The following ZNF672 variants were observed in gnomAD, a reference collection of about 807,000 sequenced individuals.
ZNF672 encodes zinc finger protein 672.
For synonymous variants in ZNF672, 358 were observed against 305.6 expected, an observed-to-expected ratio of 1.17 and a Z score of -1.79; for missense variants, 733 against 701.1, an observed-to-expected ratio of 1.05 and a Z score of -0.51.
intron 3 of ZNF672, among the ~76,000 whole-genome samples, chr1:248,845,902 AGTC>A (rs145334847): frequency 4.7e-4 from 72 of 151,604 alleles, no homozygotes; most frequent in African/African-American, 1.7e-3. Context: ...CCCTGAGAGA[AGTC>A]GTCAGTGCTG....
chr1:248,847,318 C>CG lies in ZNF672; in HGVS notation c.45dup (p.Cys16ValfsTer18). On this transcript the variant is annotated frameshift_variant, in exon 4 of 4. Coordinates refer to ENST00000306562, the MANE Select transcript of ZNF672 (RefSeq NM_024836.3). LOFTEE classifies it low-confidence loss of function (END_TRUNC). ...GCAGTGGCAGCGGGGAAGCCTTACT[C>CG]GTGCAGCGAATGTGGCAAGAGCTTC... is the stretch of plus-strand genomic sequence containing the variant. The CG allele has an allele frequency of 6.2e-7, 1 of 1,609,472 alleles. No individual in the cohort carries two copies. Among genetic ancestry groups the CG allele is most frequent in the Non-Finnish European group, 8.5e-7 (1 of 1,176,030 alleles).
In ZNF672 at chr1:248,849,468, G is replaced by A. The variant is rs1011892766; in HGVS notation, c.*835G>A. On this transcript the variant is annotated 3_prime_UTR_variant, in exon 4 of 4. Coordinates refer to ENST00000306562, the MANE Select transcript of ZNF672 (RefSeq NM_024836.3). ...GCAGGATGGAAAATCCCCTGGAGCCGGTCAACTTTTTGCTCATGGCTAGTG... is the reference window on the plus strand; with the variant it reads ...GCAGGATGGAAAATCCCCTGGAGCCAGTCAACTTTTTGCTCATGGCTAGTG... The A allele has an allele frequency of 7.5e-6, 2 of 266,420 alleles. No individual in the cohort carries two copies. The highest frequency in any genetic ancestry group is 1.6e-5 in the Non-Finnish European group (2 of 127,690). 16.5% of individuals were successfully genotyped at this position (266,420 alleles called of 1,614,324 possible). A position where few individuals can be genotyped will look rare whatever the true frequency, so the allele number is the denominator to read the frequency against.
chr1:248,848,354 C>A lies in ZNF672; in HGVS notation c.1080C>A (p.Asn360Lys). The change falls in exon 4 of 4, where the codon AAC (asparagine) becomes AAA (lysine). Residue 360 changes from asparagine to lysine, a missense_variant. Asn to Lys is a moderately conservative substitution (Grantham distance 94). Coordinates refer to ENST00000306562, the MANE Select transcript of ZNF672 (RefSeq NM_024836.3). Reference sequence around the variant, plus strand: ...CCAATCTCAACGTGCATCGGCGCAACCATGCCGGCCACAAGCCACACAAAT... The same window carrying A: ...CCAATCTCAACGTGCATCGGCGCAAACATGCCGGCCACAAGCCACACAAAT... ...CVSNLNVHRR[N>K]HAGHKPHKCP... The A allele has an allele frequency of 6.2e-7, 1 of 1,601,448 alleles. No homozygotes were observed. Among genetic ancestry groups the A allele is most frequent in the Non-Finnish European group, 8.5e-7 (1 of 1,179,750 alleles).
intron 1 of ZNF672, among the ~76,000 whole-genome samples, chr1:248,841,323 G>A (rs1020598378): frequency 2.6e-5 from 4 of 152,206 alleles, no homozygotes; most frequent in African/African-American, 7.2e-5. Flanking sequence ...AGACCTTATA[G>A]TCCTTTCTCT....
At position 248,848,329 on chromosome 1, in the gene ZNF672, C is replaced by T; in HGVS notation, c.1055C>T (p.Ser352Phe). 6.2e-7 allele frequency: 1 copy of T among 1,601,906 alleles called. No individual in the cohort carries two copies. The highest frequency in any genetic ancestry group is 8.5e-7 in the Non-Finnish European group (1 of 1,179,764). The change falls in exon 4 of 4, where the codon TCC becomes TTC. Residue 352 changes from serine (S) to phenylalanine (F), a missense_variant. By Grantham distance (155) the Ser-to-Phe change is radical (BLOSUM62 -2). Transcript: ENST00000306562. ...ELCGKRFTCV[S>F]NLNVHRRNHA... Reference sequence around the variant, plus strand: ...TGCGGCAAGCGGTTCACGTGCGTGTCCAATCTCAACGTGCATCGGCGCAAC... The same window carrying T: ...TGCGGCAAGCGGTTCACGTGCGTGTTCAATCTCAACGTGCATCGGCGCAAC...
chr1:248,847,592 G>A lies in ZNF672; in HGVS notation c.318G>A (p.Arg106=). The change falls in exon 4 of 4, where the codon CGG becomes CGA. Residue 106 remains arginine (R), a synonymous_variant. Transcript: ENST00000306562. ...CTTGCCCCTGCCGCACATGCGGCCGGCGCTTCCCGCACCTCCCGGCGCTGC... is the reference window on the plus strand; with the variant it reads ...CTTGCCCCTGCCGCACATGCGGCCGACGCTTCCCGCACCTCCCGGCGCTGC... ...CRTCPCRTCG[R]RFPHLPALLL... is the part of the protein sequence containing the mutation. The A allele has an allele frequency of 6.4e-7, 1 of 1,551,808 alleles. No individual in the cohort carries two copies. The highest frequency in any genetic ancestry group is 1.9e-5 in the Admixed American group (1 of 53,460).
rs1659290564 is a variant in ZNF672 at position 248,849,267 on chromosome 1, T to G, written c.*634T>G. 1 of 385,750 alleles carries G rather than the reference T, an allele frequency of 2.6e-6. No homozygotes were observed. The highest frequency in any genetic ancestry group is 2.1e-5 in the African/African-American group (1 of 46,522). 23.9% of individuals were successfully genotyped at this position (385,750 alleles called of 1,614,324 possible). On this transcript the variant is annotated 3_prime_UTR_variant, in exon 4 of 4. Transcript: ENST00000306562. ...GTGAAGGTGGGCAGGGCCCTTAGCA[T>G]GGCCACACATGTCCCCAGGGCAGAT...
At chr1:248,838,821 C>G (rs1052318846) in intron 1 of ZNF672, 2 of 152,278 alleles carry the variant, frequency 1.3e-5, no homozygotes, top group Non-Finnish European at 2.9e-5. Context: ...CGACAAACGT[C>G]GCCAGGCTGA....
chr1:248,846,109 C>T (rs1333896644), intron 3 of ZNF672, among the ~76,000 whole-genome samples: 1 of 152,226 alleles, frequency 6.6e-6, no homozygotes, highest in Non-Finnish European at 1.5e-5. Flanking sequence ...TTTTCTGCTA[C>T]TCCAGATTCT....
In ZNF672 at chr1:248,847,880, C is replaced by T. The variant is rs749312288; in HGVS notation, c.606C>T (p.Gly202=). The T allele has an allele frequency of 8.4e-5, 133 of 1,588,158 alleles. No individual in the cohort carries two copies. Among genetic ancestry groups the T allele is most frequent in the Non-Finnish European group, 1.1e-4 (128 of 1,169,952 alleles). The part of the protein sequence containing the change: ...RPRVSDAHQC[G]VCGKCFGKSS... The stretch of plus-strand genomic sequence containing the variant: ...GTGTCTCAGACGCCCACCAGTGTGG[C>T]GTGTGCGGCAAGTGCTTTGGCAAGA... The change falls in exon 4 of 4, where the codon GGC becomes GGT. Residue 202 remains glycine (G), a synonymous_variant. Transcript: ENST00000306562.
intron 2 of ZNF672, among the ~76,000 whole-genome samples, chr1:248,845,284 T>C (rs1664738654): frequency 6.6e-6 from 1 of 152,122 alleles, no homozygotes; most frequent in South Asian, 2.1e-4. Context: ...AGCTCCTGCT[T>C]GCATTTTTTG....
chr1:248,849,091 C>T lies in ZNF672; in HGVS notation c.*458C>T, dbSNP rs756382642. 2.7e-5 allele frequency: 13 copies of T among 476,264 alleles called. No homozygotes were observed. The highest frequency in any genetic ancestry group is 2.1e-4 in the East Asian group (3 of 14,600). 29.5% of individuals were successfully genotyped at this position (476,264 alleles called of 1,614,324 possible). A position where few individuals can be genotyped will look rare whatever the true frequency, so the allele number is the denominator to read the frequency against. On this transcript the variant is annotated 3_prime_UTR_variant, in exon 4 of 4. Transcript: ENST00000306562. The stretch of plus-strand genomic sequence containing the variant: ...ATGGTCACAGATTTGGCTGTAGGCA[C>T]GTTACCAGCCCTGTGGCTTCTTGAC...
Position 248,849,118 on chromosome 1 carries a change from C to T in ZNF672, c.*485C>T, listed in dbSNP as rs1386673632. 4.2e-6 allele frequency: 2 copies of T among 472,888 alleles called. No individual in the cohort carries two copies. Among genetic ancestry groups the T allele is most frequent in the Non-Finnish European group, 8.8e-6 (2 of 228,524 alleles). The allele number at this position is 472,888 out of a possible 1,614,324, so 29.3% of individuals were successfully genotyped here. A position where few individuals can be genotyped will look rare whatever the true frequency, so the allele number is the denominator to read the frequency against. On this transcript the variant is annotated 3_prime_UTR_variant, in exon 4 of 4. Coordinates refer to ENST00000306562, the MANE Select transcript of ZNF672 (RefSeq NM_024836.3). ...TTACCAGCCCTGTGGCTTCTTGACTCTTGGTTCCCTGTTAACTCTGTTTCT... is the reference window on the plus strand; with the variant it reads ...TTACCAGCCCTGTGGCTTCTTGACTTTTGGTTCCCTGTTAACTCTGTTTCT...
At chr1:248,844,412 C>T (rs1455502521) in intron 1 of ZNF672, 71 bp from the exon 2 acceptor site, 2 of 152,104 alleles carry the variant, frequency 1.3e-5, no homozygotes, top group African/African-American at 4.8e-5. Flanking sequence ...CACACTCAAT[C>T]AGGAGAGTGG....
rs1284902818 is a variant in ZNF672 at position 248,848,561 on chromosome 1, G to A, written c.1287G>A (p.Gln429=). Residue 429 remains glutamine, a synonymous_variant, in exon 4 of 4, where the codon CAG becomes CAA. Coordinates refer to ENST00000306562, the MANE Select transcript of ZNF672 (RefSeq NM_024836.3). ...GCACCGCTGCCGCCGTTGCCATCCA[G>A]TCCGCAGTGGGCACTGCCCTCGTCT... The part of the protein sequence containing the change: ...RARTAAAVAI[Q]SAVGTALVFE... 2 of 1,599,976 alleles carry A rather than the reference G, an allele frequency of 1.3e-6. No homozygotes were observed. The highest frequency in any genetic ancestry group is 2.3e-5 in the East Asian group (1 of 44,366).
chr1:248,848,334 C>G lies in ZNF672; in HGVS notation c.1060C>G (p.Leu354Val), dbSNP rs1457660044. 3.1e-6 allele frequency: 5 copies of G among 1,601,746 alleles called. No homozygotes were observed. The highest frequency in any genetic ancestry group is 4.2e-6 in the Non-Finnish European group (5 of 1,179,768). Residue 354 changes from leucine to valine, a missense_variant, in exon 4 of 4, where the codon CTC becomes GTC. Physicochemically the swap from Leu to Val is conservative, Grantham distance 32. Transcript: ENST00000306562. ...CAAGCGGTTCACGTGCGTGTCCAATCTCAACGTGCATCGGCGCAACCATGC... is the reference window on the plus strand; with the variant it reads ...CAAGCGGTTCACGTGCGTGTCCAATGTCAACGTGCATCGGCGCAACCATGC... ...CGKRFTCVSN[L>V]NVHRRNHAGH... is the part of the protein sequence containing the mutation.
Position 248,848,668 on chromosome 1 carries a change from G to C in ZNF672, c.*35G>C. 2 of 1,533,836 alleles carry C rather than the reference G, an allele frequency of 1.3e-6. No homozygotes were observed. The highest frequency in any genetic ancestry group is 8.8e-7 in the Non-Finnish European group (1 of 1,141,874). On this transcript the variant is annotated 3_prime_UTR_variant, in exon 4 of 4. Coordinates refer to ENST00000306562, the MANE Select transcript of ZNF672 (RefSeq NM_024836.3). ...GCTTGCTGAGGCTTCTCTAAAGGTG[G>C]TTGGGCAAGCACCTATATAGTATCA...
At chr1:248,839,082 G>C (rs560830166) in intron 1 of ZNF672, 23 of 152,368 alleles carry the variant, frequency 1.5e-4, no homozygotes, top group African/African-American at 4.3e-4. Flanking sequence ...CAGGTGCCGT[G>C]TTCCGCATTC....
chr1:248,847,760 C>A lies in ZNF672; in HGVS notation c.486C>A (p.Pro162=). ...LGTTSDPAAP[P]HRCAQCPRAF... ...CAACCTCTGACCCTGCTGCCCCACCCCACCGCTGCGCGCAGTGCCCGCGAG... is the reference window on the plus strand; with the variant it reads ...CAACCTCTGACCCTGCTGCCCCACCACACCGCTGCGCGCAGTGCCCGCGAG... The change falls in exon 4 of 4, where the codon CCC becomes CCA. Residue 162 remains proline, a synonymous_variant. Coordinates refer to ENST00000306562, the MANE Select transcript of ZNF672 (RefSeq NM_024836.3). 1 of 1,498,638 alleles carries A rather than the reference C, an allele frequency of 6.7e-7. No individual in the cohort carries two copies. Among genetic ancestry groups the A allele is most frequent in the Non-Finnish European group, 8.9e-7 (1 of 1,124,928 alleles). 92.8% of individuals were successfully genotyped at this position (1,498,638 alleles called of 1,614,324 possible).
Sources: allele counts gnomAD v4.1 joint callset (sites outside exome capture counted in the v4.1 genomes callset), GRCh38; gene constraint gnomAD v4.1.1; transcripts MANE v1.5; gene names NCBI Gene and HGNC (gene_info 2026-07-23, HGNC 2026-07-21).